Variants in EDIL3 observed in about 807,000 individuals in gnomAD.
EDIL3 encodes the protein EGF-like repeat and discoidin I-like domain-containing protein 3.
In EDIL3, 37 loss-of-function variants were observed where a neutral mutation model predicts 67.4. The ratio of observed to expected loss-of-function variants is 0.55; its 90% CI spans 0.42 to 0.72. The LOEUF is 0.72. Ranked by LOEUF, EDIL3 falls within the 30% of genes least tolerant of loss-of-function variation. EDIL3 has a pLI of 0.00. For missense variants in EDIL3, 527 were observed against 586.3 expected, an observed-to-expected ratio of 0.90 and a Z score of 1.04; for synonymous variants, 195 against 196.3, an observed-to-expected ratio of 0.99 and a Z score of 0.05.
chr5:84,139,159 C>T (rs1748145188), intron 4 of EDIL3, among the ~76,000 whole-genome samples: 3 of 151,994 alleles, frequency 2.0e-5, no homozygotes, highest in African/African-American at 7.2e-5. Context: ...ATTGCTTGAA[C>T]CCTGAAGGCT....
intron 1 of EDIL3, among the ~76,000 whole-genome samples, chr5:84,370,561 T>G (rs1747822057): frequency 6.6e-6 from 1 of 152,226 alleles, no homozygotes; most frequent in South Asian, 2.1e-4. Context: ...TGCACATACT[T>G]TTCCTGTCAA....
At chr5:84,303,888 G>T (rs1460541100) in intron 1 of EDIL3, among the ~76,000 whole-genome samples, 1 of 150,382 alleles carries the variant, frequency 6.6e-6, no homozygotes, top group African/African-American at 2.4e-5. Flanking sequence ...CCACACATGT[G>T]TCTATGAATA....
chr5:84,109,708 AC>A (rs1376050023), intron 5 of EDIL3, among the ~76,000 whole-genome samples: 2 of 151,738 alleles, frequency 1.3e-5, no homozygotes, highest in Non-Finnish European at 2.9e-5. Flanking sequence ...AAACAAAAAT[AC>A]CCCCCAAAAA....
intron 1 of EDIL3, among the ~76,000 whole-genome samples, chr5:84,266,521 T>C (rs1745351933): frequency 6.6e-6 from 1 of 152,198 alleles, no homozygotes; most frequent in South Asian, 2.1e-4. Context: ...AGTATCATCT[T>C]GGGTACAGGG....
chr5:84,196,042 T>G (rs1743697019), intron 3 of EDIL3, among the ~76,000 whole-genome samples: 2 of 151,960 alleles, frequency 1.3e-5, no homozygotes, highest in African/African-American at 4.8e-5. Context: ...GCCTATGCTA[T>G]CCCTTGGAGC....
intron 9 of EDIL3, among the ~76,000 whole-genome samples, chr5:84,002,794 C>T (rs1247517936): frequency 6.6e-6 from 1 of 152,164 alleles, no homozygotes; most frequent in African/African-American, 2.4e-5. Flanking sequence ...GTCAGTGAAC[C>T]AGAGAAAGAC....
intron 9 of EDIL3, among the ~76,000 whole-genome samples, chr5:83,988,355 T>C (rs1017142883): frequency 4.6e-5 from 7 of 152,196 alleles, no homozygotes; most frequent in African/African-American, 1.7e-4. Flanking sequence ...TTTATATTTA[T>C]TAAATGTAAA....
intron 4 of EDIL3, among the ~76,000 whole-genome samples, chr5:84,172,128 T>C (rs153249): frequency 0.37 from 56,482 of 151,984 alleles, 11,413 homozygotes; most frequent in East Asian, 0.74. Flanking sequence ...GGCAAAGCCA[T>C]TGGAAAGCAG....
chr5:84,261,217 G>A (rs144960643), intron 1 of EDIL3, among the ~76,000 whole-genome samples: 20 of 152,300 alleles, frequency 1.3e-4, no homozygotes, highest in Middle Eastern at 3.4e-3. Context: ...TAAAGTTCAT[G>A]AGAATTTGCA....
At chr5:84,081,668 C>T (rs905728088) in intron 6 of EDIL3, among the ~76,000 whole-genome samples, 12 of 152,152 alleles carry the variant, frequency 7.9e-5, no homozygotes, top group Admixed American at 6.5e-4. Flanking sequence ...GTGGCTCATG[C>T]CAATAAGCAT....
At chr5:84,365,048 G>A (rs1747698556) in intron 1 of EDIL3, among the ~76,000 whole-genome samples, 1 of 151,966 alleles carries the variant, frequency 6.6e-6, no homozygotes, top group Non-Finnish European at 1.5e-5. Flanking sequence ...GTTTTGAGAG[G>A]AGGAGGTAGC....
chr5:84,094,154 A>C (rs1410401134), intron 6 of EDIL3, among the ~76,000 whole-genome samples: 1 of 152,234 alleles, frequency 6.6e-6, no homozygotes, highest in Non-Finnish European at 1.5e-5. Flanking sequence ...CAGAAGCATT[A>C]AGACATCTTT....
intron 3 of EDIL3, among the ~76,000 whole-genome samples, chr5:84,206,430 C>T (rs1327308919): frequency 6.6e-6 from 1 of 151,952 alleles, no homozygotes. Context: ...CTATTAGGTC[C>T]ACTTGGTGCA....
chr5:84,348,358 C>T (rs1393025161), intron 1 of EDIL3, among the ~76,000 whole-genome samples: 9 of 152,052 alleles, frequency 5.9e-5, no homozygotes, highest in Non-Finnish European at 1.3e-4. Flanking sequence ...AGCCTGGGCA[C>T]CCCAAAATCT....
chr5:84,095,790 G>A (rs1237159887), intron 6 of EDIL3, among the ~76,000 whole-genome samples: 1 of 152,278 alleles, frequency 6.6e-6, no homozygotes, highest in Non-Finnish European at 1.5e-5. Flanking sequence ...TAAGTAATGA[G>A]GAGCTGAATG....
At chr5:84,187,291 T>C (rs555365784) in intron 3 of EDIL3, among the ~76,000 whole-genome samples, 1 of 152,202 alleles carries the variant, frequency 6.6e-6, no homozygotes, top group African/African-American at 2.4e-5. Flanking sequence ...TCTGCATCTA[T>C]CTCCTCACAA....
chr5:84,011,737 T>A (rs1278504260), intron 9 of EDIL3, among the ~76,000 whole-genome samples: 1 of 152,142 alleles, frequency 6.6e-6, no homozygotes, highest in Non-Finnish European at 1.5e-5. Context: ...TTCTTTAGGG[T>A]CTTGACTTTT....
At chr5:84,049,025 C>A (rs563336173) in intron 9 of EDIL3, among the ~76,000 whole-genome samples, 146 of 152,138 alleles carry the variant, frequency 9.6e-4, no homozygotes, top group African/African-American at 3.3e-3. Context: ...CCAGTGATAA[C>A]AGACACAAAA....
chr5:84,130,087 C>G (rs1037726748), intron 5 of EDIL3, among the ~76,000 whole-genome samples: 10 of 152,082 alleles, frequency 6.6e-5, no homozygotes, highest in Non-Finnish European at 8.8e-5. Flanking sequence ...ATCTCTACCA[C>G]CCCTCCTCTT....
Sources: gnomAD v4.1 joint callset for allele counts (sites outside exome capture counted in the v4.1 genomes callset) on GRCh38, gnomAD v4.1.1 for gene constraint, MANE v1.5 for transcripts, NCBI Gene and HGNC (gene_info 2026-07-23, HGNC 2026-07-21) for gene names.